PTPRG: variants seen among roughly 807,000 people sequenced by gnomAD.
PTPRG encodes protein tyrosine phosphatase receptor type G.
In PTPRG, 102 loss-of-function variants were observed where a neutral mutation model predicts 165.3. The ratio of observed to expected loss-of-function variants is 0.62; its 90% CI spans 0.53 to 0.73. The LOEUF is 0.73. Among genes scored for constraint, PTPRG ranks in the 30% least tolerant of loss-of-function variants. PTPRG has a pLI of 0.00. For missense variants in PTPRG, 1,866 were observed against 1,861.4 expected, an observed-to-expected ratio of 1.00 and a Z score of -0.05; for synonymous variants, 675 against 669.5, an observed-to-expected ratio of 1.01 and a Z score of -0.13.
rs182982502 is a variant in PTPRG at position 62,224,260 on chromosome 3, G to A, written c.2288+5277G>A. Among the ~76,000 whole-genome samples the A allele has an allele frequency of 2.9e-3, 442 of 152,276 alleles. 3 individuals carry two copies. The highest frequency in any genetic ancestry group is 0.01 in the African/African-American group (421 of 41,540). On this transcript the variant is annotated intron_variant, in intron 13 of 29. Coordinates refer to ENST00000474889, the MANE Select transcript of PTPRG (RefSeq NM_002841.4). This position sits in a 1 kb window ranked among gnomAD's most constrained non-coding sequence, Gnocchi z 4.9. ...TATTAGAGTAAGCTTCATTGATGTT[G>A]CAGCAGACACACCCTAGAACCCCAG... is the stretch of plus-strand genomic sequence containing the variant.
At position 61,619,553 on chromosome 3, in the gene PTPRG, C is replaced by A. The variant is rs139770538; in HGVS notation, c.85+57181C>A. The stretch of plus-strand genomic sequence containing the variant: ...CCAGTCCAAAATGTCAGCAATGCAG[C>A]CTTTGAGAAACCCAACACTGAACAA... On this transcript the variant is annotated intron_variant, in intron 1 of 29. Transcript: ENST00000474889. 6.6e-5 allele frequency among the ~76,000 whole-genome samples: 10 copies of A among 152,272 alleles called. No homozygotes were observed. The East Asian group carries it at 7.7e-4, about 12-fold the overall frequency.
intron 8 of PTPRG, among the ~76,000 whole-genome samples, chr3:62,173,100 C>T (rs1705279741): frequency 6.6e-6 from 1 of 152,164 alleles, no homozygotes; most frequent in Admixed American, 6.5e-5. Context: ...GTTGTATTTG[C>T]ACATAACCTG....
At chr3:62,138,595 T>C (rs1392339471) in intron 6 of PTPRG, among the ~76,000 whole-genome samples, 2 of 151,680 alleles carry the variant, frequency 1.3e-5, no homozygotes, top group Non-Finnish European at 2.9e-5. Context: ...GGCACGCATC[T>C]GTAATCCCAG....
chr3:62,113,670 A>T (rs1215455570), intron 5 of PTPRG, among the ~76,000 whole-genome samples: 2 of 152,216 alleles, frequency 1.3e-5, no homozygotes, highest in Non-Finnish European at 2.9e-5. Context: ...TACCCTCTGG[A>T]GGGAACCAGT....
chr3:62,052,061 G>A (rs1700485147), intron 4 of PTPRG, among the ~76,000 whole-genome samples: 1 of 152,132 alleles, frequency 6.6e-6, no homozygotes, highest in Non-Finnish European at 1.5e-5. Flanking sequence ...CATGGAGCTG[G>A]GCATGGAAAT....
intron 15 of PTPRG, among the ~76,000 whole-genome samples, chr3:62,248,486 C>T (rs921934397): frequency 6.6e-6 from 1 of 152,096 alleles, no homozygotes; most frequent in Non-Finnish European, 1.5e-5. Context: ...GAAGTGGTCA[C>T]AAAATTCTGT....
intron 4 of PTPRG, among the ~76,000 whole-genome samples, chr3:62,021,166 A>G (rs1158620621): frequency 1.3e-5 from 2 of 152,186 alleles, no homozygotes; most frequent in African/African-American, 4.8e-5. Flanking sequence ...TAATACTTAG[A>G]AACGTATAGT....
intron 2 of PTPRG, among the ~76,000 whole-genome samples, chr3:61,950,384 G>T (rs1559708555): frequency 6.6e-6 from 1 of 152,164 alleles, no homozygotes; most frequent in Non-Finnish European, 1.5e-5. Flanking sequence ...TTCCAGTCTT[G>T]TGGAAGTTGT....
chr3:62,080,769 C>G (rs1701544485), intron 5 of PTPRG, among the ~76,000 whole-genome samples: 1 of 152,090 alleles, frequency 6.6e-6, no homozygotes, highest in Non-Finnish European at 1.5e-5. Flanking sequence ...TTTAGGCAGG[C>G]AAGACACATT....
intron 2 of PTPRG, among the ~76,000 whole-genome samples, chr3:61,780,894 C>T (rs1467015849): frequency 2.0e-5 from 3 of 152,252 alleles, no homozygotes; most frequent in East Asian, 1.9e-4. Context: ...TACTTGATGG[C>T]GTGATATTAT....
intron 1 of PTPRG, among the ~76,000 whole-genome samples, chr3:61,607,269 G>T (rs529063802): frequency 1.3e-5 from 2 of 152,346 alleles, no homozygotes; most frequent in Middle Eastern, 6.8e-3. Flanking sequence ...GTACAGAGCA[G>T]TCCCTGTTAG....
At chr3:61,993,887 A>G (rs2040957281) in intron 3 of PTPRG, among the ~76,000 whole-genome samples, 1 of 152,202 alleles carries the variant, frequency 6.6e-6, no homozygotes, top group Non-Finnish European at 1.5e-5. Flanking sequence ...GCGGCCTATT[A>G]CATACAGACA....
At chr3:62,015,070 C>G (rs569749635) in intron 4 of PTPRG, among the ~76,000 whole-genome samples, 1 of 152,352 alleles carries the variant, frequency 6.6e-6, no homozygotes, top group South Asian at 2.1e-4. Flanking sequence ...GCTTTTCTTT[C>G]AGCCATGATG....
intron 2 of PTPRG, among the ~76,000 whole-genome samples, chr3:61,979,635 A>T (rs2040593470): frequency 6.6e-6 from 1 of 152,214 alleles, no homozygotes; most frequent in Non-Finnish European, 1.5e-5. Context: ...CTATGAATTT[A>T]TTGAAATAGA....
intron 1 of PTPRG, among the ~76,000 whole-genome samples, chr3:61,690,139 C>T (rs114262714): frequency 0.018 from 2,701 of 152,230 alleles, 37 homozygotes; most frequent in South Asian, 0.049. Context: ...TGGCATTATC[C>T]GCAACCGACA....
At chr3:62,277,702 A>G (rs1299203477) in intron 26 of PTPRG, 23 bp downstream of exon 26, 1 of 1,610,570 alleles carries the variant, frequency 6.2e-7, no homozygotes, top group East Asian at 2.2e-5. Context: ...CATCTGCTAT[A>G]TATTAATGAG....
At chr3:61,972,438 T>C (rs2040405665) in intron 2 of PTPRG, among the ~76,000 whole-genome samples, 1 of 149,544 alleles carries the variant, frequency 6.7e-6, no homozygotes, top group Non-Finnish European at 1.5e-5. Context: ...TGATCTGACT[T>C]AAGTTTTAAC....
chr3:61,829,890 C>G (rs908132145), intron 2 of PTPRG, among the ~76,000 whole-genome samples: 28 of 152,228 alleles, frequency 1.8e-4, no homozygotes, highest in Non-Finnish European at 2.2e-4. Context: ...GGTTGTCTTG[C>G]TTGTGATCTG....
chr3:61,948,859 A>AG (rs1234218250), intron 2 of PTPRG, among the ~76,000 whole-genome samples: 1 of 152,180 alleles, frequency 6.6e-6, no homozygotes, highest in Non-Finnish European at 1.5e-5. Flanking sequence ...CCCTGGAAGA[A>AG]GCACTGAGTT....
Sources: allele counts gnomAD v4.1 joint callset (sites outside exome capture counted in the v4.1 genomes callset), GRCh38; gene constraint gnomAD v4.1.1; non-coding constraint Gnocchi (gnomAD v3.1); transcripts MANE v1.5; gene names NCBI Gene and HGNC (gene_info 2026-07-23, HGNC 2026-07-21).